Variants in ZDHHC15 observed in about 807,000 individuals in gnomAD.
The protein encoded by ZDHHC15 is zDHHC palmitoyltransferase 15.
Under a neutral mutation model 31.7 loss-of-function variants are expected in ZDHHC15, and 19 were observed. The ratio of observed to expected loss-of-function variants is 0.60; its 90% CI spans 0.42 to 0.88. The LOEUF (loss-of-function observed/expected upper bound fraction) is 0.88. ZDHHC15 is among the 40% of genes least tolerant of loss of function. The pLI, the probability that ZDHHC15 is intolerant of heterozygous loss-of-function variation, is 0.00. For missense variants in ZDHHC15, 209 were observed against 251.2 expected, an observed-to-expected ratio of 0.83 and a Z score of 1.14; for synonymous variants, 103 against 90.0, an observed-to-expected ratio of 1.14 and a Z score of -0.82.
chrX:75,456,798 C>G (rs1218942979), intron 3 of ZDHHC15, among the ~76,000 whole-genome samples: 1 of 111,425 alleles, frequency 9.0e-6, no homozygotes, highest in Non-Finnish European at 1.9e-5. Flanking sequence ...GGGTCCAGCA[C>G]TTACCAAACA....
intron 2 of ZDHHC15, chrX:75,501,391 T>G (rs761465553): frequency 8.9e-6 from 1 of 112,037 alleles, no homozygotes; most frequent in Admixed American, 9.5e-5. Context: ...TCTTTGCTAT[T>G]GTGAATAGTG....
At chrX:75,474,989 G>GTGGAGCT (rs2084578377) in intron 3 of ZDHHC15, among the ~76,000 whole-genome samples, 1 of 111,097 alleles carries the variant, frequency 9.0e-6, no homozygotes, top group Non-Finnish European at 1.9e-5. Flanking sequence ...GAACCCGGAG[G>GTGGAGCT]TGGAGCTTGC....
chrX:75,469,221 G>T (rs2084464359), intron 3 of ZDHHC15, among the ~76,000 whole-genome samples: 2 of 111,234 alleles, frequency 1.8e-5, no homozygotes, highest in Non-Finnish European at 3.8e-5. Flanking sequence ...TAAGCATTTG[G>T]TCCTTTTTAA....
At chrX:75,424,871 T>C in intron 7 of ZDHHC15, 87 bp from the exon 8 acceptor site, 1 of 943,176 alleles carries the variant, frequency 1.1e-6, no homozygotes, top group East Asian at 3.6e-5. Context: ...AGTTTTCACA[T>C]GTATAAAGTG....
chrX:75,513,212 C>G (rs1456542184), intron 1 of ZDHHC15, among the ~76,000 whole-genome samples: 3 of 111,746 alleles, frequency 2.7e-5, no homozygotes, highest in African/African-American at 9.8e-5. Context: ...CATTACCATT[C>G]AGGACATAGG....
chrX:75,508,530 C>T lies in ZDHHC15; in HGVS notation c.137-2683G>A, dbSNP rs191378932. Among the ~76,000 whole-genome samples the T allele has an allele frequency of 8.8e-3, 964 of 109,415 alleles. 17 individuals are homozygous for T. The highest frequency in any genetic ancestry group is 0.03 in the African/African-American group (902 of 29,958). ...CCATGGTGTATATGTGCCACATTTT[C>T]TTAATCCAGTCTATCACTGATGGAC... is the stretch of plus-strand genomic sequence containing the variant. On this transcript the variant is annotated intron_variant, in intron 1 of 11. Transcript: ENST00000373367.
chrX:75,497,761 T>A (rs1403189576), intron 2 of ZDHHC15, among the ~76,000 whole-genome samples: 1 of 110,967 alleles, frequency 9.0e-6, no homozygotes, highest in African/African-American at 3.3e-5. Flanking sequence ...AAAAAGCATT[T>A]GATGAAATCC....
intron 1 of ZDHHC15, among the ~76,000 whole-genome samples, chrX:75,508,790 C>G (rs921403676): frequency 6.3e-5 from 7 of 110,829 alleles, no homozygotes; most frequent in Non-Finnish European, 1.1e-4. Context: ...CCTATTTCTC[C>G]ACATCCTCTC....
intron 10 of ZDHHC15, among the ~76,000 whole-genome samples, chrX:75,413,936 C>T (rs910761720): frequency 8.1e-5 from 9 of 110,791 alleles, no homozygotes; most frequent in African/African-American, 3.0e-4. Flanking sequence ...ATTCATGATA[C>T]TCATGACAGG....
At chrX:75,491,067 G>C (rs987413561) in intron 2 of ZDHHC15, among the ~76,000 whole-genome samples, 2 of 111,674 alleles carry the variant, frequency 1.8e-5, no homozygotes, top group South Asian at 3.8e-4. Context: ...AGCCAGTGTG[G>C]TGATTCCTCA....
chrX:75,409,529 G>T (rs1486455464), intron 10 of ZDHHC15, among the ~76,000 whole-genome samples: 2 of 101,959 alleles, frequency 2.0e-5, no homozygotes, highest in Non-Finnish European at 3.9e-5. Flanking sequence ...CAAAGTGGTG[G>T]CTCATGCCTG....
intron 4 of ZDHHC15, among the ~76,000 whole-genome samples, chrX:75,433,764 T>A (rs1013325725): frequency 3.7e-5 from 4 of 109,438 alleles, no homozygotes; most frequent in African/African-American, 1.3e-4. Context: ...GGTTCCATAT[T>A]TTTGTAATTT....
intron 10 of ZDHHC15, among the ~76,000 whole-genome samples, chrX:75,397,444 T>C (rs780312417): frequency 3.2e-4 from 36 of 111,898 alleles, no homozygotes; most frequent in Non-Finnish European, 6.2e-4. Context: ...ATATTCAATT[T>C]ATCCTCATTT....
chrX:75,374,687 G>GTA (rs3076274), intron 11 of ZDHHC15, among the ~76,000 whole-genome samples: 1,336 of 91,650 alleles, frequency 0.015, 31 homozygotes, highest in African/African-American at 0.047. Context: ...GTGTGTGTGT[G>GTA]TATATATATA....
At chrX:75,442,985 C>CA (rs1321633891) in intron 4 of ZDHHC15, among the ~76,000 whole-genome samples, 16,271 of 43,271 alleles carry the variant, frequency 0.38, 2,976 homozygotes, top group East Asian at 0.83. Flanking sequence ...GACTCCGTCT[C>CA]AAAAAAAAAA....
chrX:75,489,690 T>C (rs1352197072), intron 2 of ZDHHC15, among the ~76,000 whole-genome samples: 2 of 112,145 alleles, frequency 1.8e-5, no homozygotes, highest in Non-Finnish European at 3.8e-5. Flanking sequence ...GGACCTCTCC[T>C]CCTCCAAAGG....
chrX:75,402,835 A>G (rs1335926356), intron 10 of ZDHHC15, among the ~76,000 whole-genome samples: 1 of 111,038 alleles, frequency 9.0e-6, no homozygotes, highest in Non-Finnish European at 1.9e-5. Context: ...TACCGAGACT[A>G]TTCCAGAAAA....
chrX:75,369,404 A>G lies in ZDHHC15; in HGVS notation c.*3574T>C, dbSNP rs947070627. ...TGAGAGGTGAAAAGAATAGGCTTTCAATGACTGTTACATTCCTATGAATTT... is the reference window on the plus strand; with the variant it reads ...TGAGAGGTGAAAAGAATAGGCTTTCGATGACTGTTACATTCCTATGAATTT... On this transcript the variant is annotated 3_prime_UTR_variant, in exon 12 of 12. Transcript: ENST00000373367. 5.4e-5 allele frequency: 6 copies of G among 110,972 alleles called. No homozygotes were observed. The highest frequency in any genetic ancestry group is 2.0e-4 in the African/African-American group (6 of 30,424). The allele number at this position is 110,972 out of a possible 1,213,427, so 9.1% of individuals were successfully genotyped here. A position where few individuals can be genotyped will look rare whatever the true frequency, so the allele number is the denominator to read the frequency against.
chrX:75,509,498 T>C (rs2085225229), intron 1 of ZDHHC15, among the ~76,000 whole-genome samples: 1 of 111,845 alleles, frequency 8.9e-6, no homozygotes, highest in Admixed American at 9.5e-5. Context: ...GAGTAGGAAG[T>C]TTGAAAATAT....
Sources: allele counts gnomAD v4.1 joint callset (sites outside exome capture counted in the v4.1 genomes callset), GRCh38; gene constraint gnomAD v4.1.1; transcripts MANE v1.5; gene names NCBI Gene and HGNC (gene_info 2026-07-23, HGNC 2026-07-21).